The following RRBP1 variants were observed in gnomAD, a reference collection of about 807,000 sequenced individuals.
The protein encoded by RRBP1 is ribosome-binding protein 1.
Under a neutral mutation model 165.2 loss-of-function variants are expected in RRBP1, and 94 were observed. That is an observed-to-expected ratio of 0.57 (90% CI 0.48 to 0.68). The LOEUF (loss-of-function observed/expected upper bound fraction) is 0.68. Among genes scored for constraint, RRBP1 ranks in the 30% least tolerant of loss-of-function variants. The pLI is 0.00. For synonymous variants in RRBP1, 680 were observed against 714.5 expected (o/e 0.95, Z 0.77); for missense variants, 1,676 against 1,763.0 (o/e 0.95, Z 0.88).
intron 3 of RRBP1, among the ~76,000 whole-genome samples, chr20:17,646,301 A>G (rs2036460870): frequency 1.3e-5 from 2 of 152,236 alleles, no homozygotes; most frequent in Admixed American, 6.5e-5. Flanking sequence ...CTAACTCAAT[A>G]AAAAACAAAT....
At chr20:17,671,128 G>A (rs1293006413) in intron 2 of RRBP1, among the ~76,000 whole-genome samples, 2 of 152,098 alleles carry the variant, frequency 1.3e-5, no homozygotes, top group African/African-American at 4.8e-5. Flanking sequence ...AACTTTTCAT[G>A]TCTACAAGTT....
At chr20:17,661,301 G>A (rs1271161340) in intron 2 of RRBP1, among the ~76,000 whole-genome samples, 1 of 152,218 alleles carries the variant, frequency 6.6e-6, no homozygotes, top group African/African-American at 2.4e-5. Flanking sequence ...AATAGCTCCT[G>A]AGGAGTTATG....
intron 11 of RRBP1, among the ~76,000 whole-genome samples, chr20:17,626,682 A>G (rs1190393769): frequency 6.6e-6 from 1 of 152,178 alleles, no homozygotes; most frequent in Non-Finnish European, 1.5e-5. Context: ...GACTGTGGGC[A>G]TGTGCTACAG....
At chr20:17,624,469 G>T (rs1197847313) in intron 13 of RRBP1, 107 bp downstream of exon 13, 1 of 749,796 alleles carries the variant, frequency 1.3e-6, no homozygotes, top group East Asian at 2.7e-5. Flanking sequence ...TAGTGCATCT[G>T]TGCGTCCTAG....
chr20:17,613,891 C>T lies in RRBP1; in HGVS notation c.*291G>A, dbSNP rs1237256031. 2.6e-6 allele frequency: 1 copy of T among 391,726 alleles called. No individual in the cohort carries two copies. Among genetic ancestry groups the T allele is most frequent in the Non-Finnish European group, 4.7e-6 (1 of 213,704 alleles). The allele number at this position is 391,726 out of a possible 1,614,324, so 24.3% of individuals were successfully genotyped here. ...AGACAGACCCCAGAGCGCCCGGCCTCCCACACACCCACGGGGCTGTCAGAG... is the reference window on the plus strand; with the variant it reads ...AGACAGACCCCAGAGCGCCCGGCCTTCCACACACCCACGGGGCTGTCAGAG... On this transcript the variant is annotated 3_prime_UTR_variant, in exon 25 of 25. Transcript: ENST00000377813.
Position 17,659,977 on chromosome 20 carries a change from C to T in RRBP1, c.531G>A (p.Val177=). Residue 177 remains valine, a synonymous_variant, in exon 3 of 25, where the codon GTG becomes GTA. Coordinates refer to ENST00000377813, the MANE Select transcript of RRBP1 (RefSeq NM_001365613.2). ...CCACTGGGGGCACCACCACCATCGG[C>T]ACCTCCTTGGGAGCAGTTTCCAAGA... ...AAILETAPKE[V]PMVVVPPVGA... The T allele has an allele frequency of 2.5e-6, 4 of 1,608,028 alleles. No individual in the cohort carries two copies. Among genetic ancestry groups the T allele is most frequent in the Non-Finnish European group, 3.4e-6 (4 of 1,176,882 alleles).
chr20:17,641,984 G>A (rs561361864), intron 4 of RRBP1, 65 bp from the exon 5 acceptor site: 37 of 1,551,748 alleles, frequency 2.4e-5, no homozygotes, highest in Middle Eastern at 1.8e-4. Flanking sequence ...CCCTGACCCC[G>A]GACAAGAGCA....
At chr20:17,670,755 A>G (rs961482613) in intron 2 of RRBP1, among the ~76,000 whole-genome samples, 1 of 152,140 alleles carries the variant, frequency 6.6e-6, no homozygotes, top group African/African-American at 2.4e-5. Flanking sequence ...TTTTGTCTTA[A>G]AACAATCTTT....
intron 4 of RRBP1, among the ~76,000 whole-genome samples, chr20:17,642,159 G>T (rs1465564764): frequency 6.6e-6 from 1 of 152,264 alleles, no homozygotes; most frequent in Non-Finnish European, 1.5e-5. Flanking sequence ...TTGAATCCCT[G>T]GAGTGGCATT....
chr20:17,641,927 T>C lies in RRBP1; in HGVS notation c.2062-8A>G, dbSNP rs1459799695. ...GTCACCCTTCTGAGTGGCCTAGAAA[T>C]ACCCAGAGATGCGTTAACAGAGGGG... On this transcript the variant is annotated splice_region_variant and splice_polypyrimidine_tract_variant and intron_variant, in intron 4 of 24. Transcript: ENST00000377813. The C allele has an allele frequency of 3.7e-6, 6 of 1,611,690 alleles. No individual in the cohort carries two copies. The highest frequency in any genetic ancestry group is 8.5e-7 in the Non-Finnish European group (1 of 1,178,158).
chr20:17,661,605 A>G (rs1199370032), intron 2 of RRBP1, among the ~76,000 whole-genome samples: 1 of 152,228 alleles, frequency 6.6e-6, no homozygotes, highest in Non-Finnish European at 1.5e-5. Flanking sequence ...ATTTGGATAC[A>G]TTCAAGCCAG....
rs771096690 is a variant in RRBP1 at position 17,629,863 on chromosome 20, C to T, written c.2709G>A (p.Ala903=). The change falls in exon 9 of 25, where the codon GCG becomes GCA. Residue 903 remains alanine (A), a synonymous_variant. Transcript: ENST00000377813. ...GTTGCTCCTGGGCCTTCTCGGCATC[C>T]GCCCGGAGGCTGGCGTGGCTGCTCT... is the stretch of plus-strand genomic sequence containing the variant. ...HTQSSHASLR[A]DAEKAQEQQQ... 7.5e-6 allele frequency: 12 copies of T among 1,599,786 alleles called. No individual in the cohort carries two copies. Among genetic ancestry groups the T allele is most frequent in the Middle Eastern group, 1.6e-4 (1 of 6,062 alleles).
intron 2 of RRBP1, among the ~76,000 whole-genome samples, chr20:17,665,907 TCCCCATCAGTTTAATTACCCAG>T (rs937235517): frequency 6.6e-6 from 1 of 152,204 alleles, no homozygotes; most frequent in Non-Finnish European, 1.5e-5. Flanking sequence ...GATAAAACTT[TCCCCATCAGTTTAATTACCCAG>T]CACCATTTCC....
chr20:17,641,163 A>T (rs1291971015), intron 5 of RRBP1, among the ~76,000 whole-genome samples: 1 of 152,220 alleles, frequency 6.6e-6, no homozygotes, highest in African/African-American at 2.4e-5. Flanking sequence ...CTGCAGTGGG[A>T]AGAACAGCCC....
chr20:17,655,096 T>C (rs2036623981), intron 3 of RRBP1, among the ~76,000 whole-genome samples: 1 of 152,258 alleles, frequency 6.6e-6, no homozygotes, highest in Non-Finnish European at 1.5e-5. Flanking sequence ...CCAGTAGCAT[T>C]AATGAAGGCT....
At chr20:17,634,207 G>A (rs2036205882) in intron 7 of RRBP1, among the ~76,000 whole-genome samples, 1 of 152,250 alleles carries the variant, frequency 6.6e-6, no homozygotes, top group African/African-American at 2.4e-5. Flanking sequence ...CGTGTGATCA[G>A]GATGCCACTC....
At chr20:17,664,372 T>A (rs1016413058) in intron 2 of RRBP1, among the ~76,000 whole-genome samples, 14 of 152,200 alleles carry the variant, frequency 9.2e-5, no homozygotes, top group African/African-American at 3.4e-4. Context: ...TTCCATTTAA[T>A]ATTGTCAGAC....
At chr20:17,652,709 A>G (rs919280096) in intron 3 of RRBP1, among the ~76,000 whole-genome samples, 1 of 152,192 alleles carries the variant, frequency 6.6e-6, no homozygotes, top group Non-Finnish European at 1.5e-5. Context: ...CAGGAAGCTC[A>G]GCCCCAGCAG....
At position 17,628,580 on chromosome 20, in the gene RRBP1, A is replaced by G. The variant is rs114867930; in HGVS notation, c.2750-898T>C. ...CTCCTGCCCCAAGCACTTCTGTCAC[A>G]CCTTCCACGGTGCCCAAGCTCCTCA... On this transcript the variant is annotated intron_variant, in intron 9 of 24. Transcript: ENST00000377813. Among the ~76,000 whole-genome samples, 531 of 152,194 alleles carry G rather than the reference A, an allele frequency of 3.5e-3. 3 individuals carry two copies. The highest frequency in any genetic ancestry group is 0.012 in the African/African-American group (498 of 41,522).
Sources: gnomAD v4.1 joint callset for allele counts (sites outside exome capture counted in the v4.1 genomes callset) on GRCh38, gnomAD v4.1.1 for gene constraint, MANE v1.5 for transcripts, NCBI Gene and HGNC (gene_info 2026-07-23, HGNC 2026-07-21) for gene names.